CAMK2G: variants seen among roughly 807,000 people sequenced by gnomAD.
CAMK2G encodes the protein calcium/calmodulin dependent protein kinase II gamma, also known as calcium/calmodulin-dependent protein kinase type II subunit gamma.
CAMK2G carries 23 observed loss-of-function variants against 88.7 expected under a neutral mutation model. The observed-to-expected ratio is 0.26, with a 90% CI of 0.19 to 0.37. The LOEUF is 0.37. Ranked by LOEUF, CAMK2G falls within the 10% of genes least tolerant of loss-of-function variation. The pLI is 1.00. For missense variants in CAMK2G, 476 were observed against 780.8 expected, an observed-to-expected ratio of 0.61 and a Z score of 4.65; for synonymous variants, 263 against 294.8, an observed-to-expected ratio of 0.89 and a Z score of 1.11.
At chr10:73,841,153 C>T (rs1024058933) in intron 12 of CAMK2G, among the ~76,000 whole-genome samples, 2 of 152,382 alleles carry the variant, frequency 1.3e-5, no homozygotes, top group East Asian at 3.9e-4. Flanking sequence ...AGCATCCTCA[C>T]AGCCAAGGCC....
At chr10:73,869,776 A>C (rs910758545) in intron 2 of CAMK2G, among the ~76,000 whole-genome samples, 2 of 152,262 alleles carry the variant, frequency 1.3e-5, no homozygotes, top group African/African-American at 4.8e-5. Context: ...AGATTAAATA[A>C]ATATGTTAAA....
chr10:73,847,283 G>C lies in CAMK2G; in HGVS notation c.761C>G (p.Thr254Ser), dbSNP rs777816252. Reference sequence around the variant, plus strand: ...CGTGATGCGCTTTGCTGGGTTTATGGTCAGCATCTGGTTGATCAAGTTCTT... The same window carrying C: ...CGTGATGCGCTTTGCTGGGTTTATGCTCAGCATCTGGTTGATCAAGTTCTT... Reference protein sequence around the residue: ...EAKNLINQMLTINPAKRITAD... With the variant: ...EAKNLINQMLSINPAKRITAD... The change falls in exon 10 of 23, where the codon ACC becomes AGC. Residue 254 changes from threonine to serine, a missense_variant. Thr to Ser is a moderately conservative substitution (Grantham distance 58). Coordinates refer to ENST00000423381, the MANE Select transcript of CAMK2G (RefSeq NM_001367534.1). 2.5e-6 allele frequency: 4 copies of C among 1,613,968 alleles called. No individual in the cohort carries two copies. In the Admixed American group the frequency reaches 6.7e-5, roughly 27 times the overall value.
At chr10:73,847,063 T>G in intron 10 of CAMK2G, 162 bp downstream of exon 10, 3 of 647,318 alleles carry the variant, frequency 4.6e-6, no homozygotes, top group Non-Finnish European at 8.0e-6. Context: ...GTCTCCCTGG[T>G]GACATTTATT....
Position 73,814,517 on chromosome 10 carries a change from G to A in CAMK2G, c.*13-12C>T, listed in dbSNP as rs1201425319. 1.3e-5 allele frequency: 2 copies of A among 158,600 alleles called. No individual in the cohort carries two copies. The highest frequency in any genetic ancestry group is 2.8e-5 in the Non-Finnish European group (2 of 71,100). The allele number at this position is 158,600 out of a possible 1,614,324, so 9.8% of individuals were successfully genotyped here. The stretch of plus-strand genomic sequence containing the variant: ...ATCTCCTAAAGCCCCTGTCAAACAG[G>A]ACAGAATGTGGTAACAGAACAGAGG... On this transcript the variant is annotated splice_polypyrimidine_tract_variant and intron_variant, in intron 22 of 22. Transcript: ENST00000423381.
chr10:73,836,761 GCATCTA>G (rs2093284646), intron 14 of CAMK2G, among the ~76,000 whole-genome samples: 1 of 152,188 alleles, frequency 6.6e-6, no homozygotes, highest in African/African-American at 2.4e-5. Context: ...TGCCCCCAAA[GCATCTA>G]CAGAATGTCT....
chr10:73,827,084 C>T (rs1323060467), intron 15 of CAMK2G, among the ~76,000 whole-genome samples: 2 of 152,178 alleles, frequency 1.3e-5, no homozygotes, highest in African/African-American at 4.8e-5. Context: ...GGCTGCCCTA[C>T]CTGTAAATCC....
At chr10:73,873,588 C>T (rs1380744179) in intron 1 of CAMK2G, 5 of 933,662 alleles carry the variant, frequency 5.4e-6, no homozygotes, top group Non-Finnish European at 5.1e-6. Context: ...CAGCCGGTTT[C>T]ATCTCACTGC....
At chr10:73,843,517 G>A (rs1317349022) in intron 10 of CAMK2G, among the ~76,000 whole-genome samples, 1 of 152,154 alleles carries the variant, frequency 6.6e-6, no homozygotes, top group Non-Finnish European at 1.5e-5. Context: ...GATGTCCTCA[G>A]GGGCTCGAGA....
chr10:73,846,524 T>G (rs1261437876), intron 10 of CAMK2G: 1 of 152,198 alleles, frequency 6.6e-6, no homozygotes, highest in Non-Finnish European at 1.5e-5. Context: ...CTAGATGATC[T>G]TTTGGGGCAG....
intron 9 of CAMK2G, 143 bp from the exon 10 acceptor site, chr10:73,847,490 C>T (rs548225286): frequency 2.2e-5 from 18 of 827,798 alleles, no homozygotes; most frequent in Admixed American, 1.0e-4. Flanking sequence ...AGAAGCCCTG[C>T]GGCTATTCCA....
chr10:73,814,861 G>C, intron 22 of CAMK2G, 142 bp downstream of exon 22: 1 of 614,934 alleles, frequency 1.6e-6, no homozygotes, highest in Non-Finnish European at 2.9e-6. Context: ...ATAACTTATT[G>C]CAACCATTCT....
chr10:73,835,734 C>T (rs1299122438), intron 14 of CAMK2G, among the ~76,000 whole-genome samples: 2 of 152,188 alleles, frequency 1.3e-5, no homozygotes, highest in Non-Finnish European at 2.9e-5. Flanking sequence ...CTACCACACA[C>T]CCTGTGTTCT....
intron 5 of CAMK2G, 34 bp from the exon 6 acceptor site, chr10:73,849,367 AGGG>A: frequency 1.3e-6 from 2 of 1,520,716 alleles, no homozygotes; most frequent in Non-Finnish European, 1.8e-6. Context: ...ATGTTAGCGC[AGGG>A]TTAAACCACC....
At position 73,874,429 on chromosome 10, in the gene CAMK2G, G is replaced by C; in HGVS notation, c.33C>G (p.Thr11=). The part of the protein sequence containing the change: MATTATCTRF[T]DDYQLFEELG... Reference sequence around the variant, plus strand: ...GCTCCTCGAAGAGCTGGTAGTCGTCGGTGAAACGGGTGCAGGTGGCGGTGG... The same window carrying C: ...GCTCCTCGAAGAGCTGGTAGTCGTCCGTGAAACGGGTGCAGGTGGCGGTGG... Residue 11 remains threonine, a synonymous_variant, in exon 1 of 23, where the codon ACC becomes ACG. Coordinates refer to ENST00000423381, the MANE Select transcript of CAMK2G (RefSeq NM_001367534.1). The C allele has an allele frequency of 6.6e-7, 1 of 1,521,140 alleles. No homozygotes were observed. The highest frequency in any genetic ancestry group is 1.4e-5 in the African/African-American group (1 of 69,996). The allele number at this position is 1,521,140 out of a possible 1,614,324, so 94.2% of individuals were successfully genotyped here.
chr10:73,868,597 C>A (rs528920851), intron 2 of CAMK2G, among the ~76,000 whole-genome samples: 2 of 152,208 alleles, frequency 1.3e-5, no homozygotes, highest in East Asian at 3.8e-4. Flanking sequence ...CATGGTTTCG[C>A]ACACAGCCTC....
At chr10:73,841,074 T>A (rs2134364116) in intron 12 of CAMK2G, among the ~76,000 whole-genome samples, 1 of 152,278 alleles carries the variant, frequency 6.6e-6, no homozygotes, top group Non-Finnish European at 1.5e-5. Flanking sequence ...GGGCTCACTA[T>A]CCAGCCCTGG....
intron 3 of CAMK2G, among the ~76,000 whole-genome samples, chr10:73,858,322 C>A (rs554334936): frequency 1.3e-5 from 2 of 152,286 alleles, no homozygotes; most frequent in South Asian, 4.1e-4. Flanking sequence ...GTTCAAGAGG[C>A]CAGAGCCAAA....
chr10:73,847,019 G>C, intron 10 of CAMK2G: 1 of 557,666 alleles, frequency 1.8e-6, no homozygotes, highest in Non-Finnish European at 3.2e-6. Context: ...GGGGAGAGAG[G>C]AGCAGTGGCC....
chr10:73,832,149 A>G (rs910195712), intron 14 of CAMK2G, among the ~76,000 whole-genome samples: 3 of 152,178 alleles, frequency 2.0e-5, no homozygotes, highest in Non-Finnish European at 4.4e-5. Flanking sequence ...AAAAATGTGT[A>G]AGAAAAAAAG....
Sources: gnomAD v4.1 joint callset for allele counts (sites outside exome capture counted in the v4.1 genomes callset) on GRCh38, gnomAD v4.1.1 for gene constraint, MANE v1.5 for transcripts, NCBI Gene and HGNC (gene_info 2026-07-23, HGNC 2026-07-21) for gene names.